The following EYS variants were observed in gnomAD, a reference collection of about 807,000 sequenced individuals.
The protein encoded by EYS is protein eyes shut homolog.
EYS carries 250 observed loss-of-function variants against 282.1 expected under a neutral mutation model. The ratio of observed to expected loss-of-function variants is 0.89; its 90% CI spans 0.80 to 0.98. EYS has a LOEUF of 0.98. EYS is among the 50% of genes least tolerant of loss of function. The pLI is 0.00. For synonymous variants in EYS, 1,355 were observed against 1,282.9 expected, an observed-to-expected ratio of 1.06 and a Z score of -1.20; for missense variants, 4,016 against 3,709.0, an observed-to-expected ratio of 1.08 and a Z score of -2.15.
chr6:63,953,436 T>C (rs1765682531), intron 35 of EYS, among the ~76,000 whole-genome samples: 1 of 152,080 alleles, frequency 6.6e-6, no homozygotes. Context: ...TGTATCCCCC[T>C]CCAAAGCCCA....
chr6:65,354,803 C>T (rs1014340558), intron 8 of EYS, among the ~76,000 whole-genome samples: 1 of 150,258 alleles, frequency 6.7e-6, no homozygotes, highest in African/African-American at 2.5e-5. Flanking sequence ...GCCTGGGCTA[C>T]AGAATAAGAC....
At chr6:65,235,875 G>T (rs1254061696) in intron 12 of EYS, among the ~76,000 whole-genome samples, 3 of 151,352 alleles carry the variant, frequency 2.0e-5, no homozygotes, top group African/African-American at 7.3e-5. Context: ...TCTTTAAAGG[G>T]AAAAAAAATC....
intron 22 of EYS, among the ~76,000 whole-genome samples, chr6:64,661,257 C>G (rs1373827185): frequency 6.6e-6 from 1 of 152,072 alleles, no homozygotes. Flanking sequence ...TAGAGACTTA[C>G]ATGTTAGACC....
rs1766967650 is a variant in EYS at position 64,245,054 on chromosome 6, A to G, written c.6192-14230T>C. Among the ~76,000 whole-genome samples, 5 of 138,154 alleles carry G rather than the reference A, an allele frequency of 3.6e-5. No homozygotes were observed. The Admixed American group carries it at 4.3e-4, about 12-fold the overall frequency. The allele number at this position is 138,154 out of a possible 152,430, so 90.6% of individuals were successfully genotyped here. A position where few individuals can be genotyped will look rare whatever the true frequency, so the allele number is the denominator to read the frequency against. Reference sequence around the variant, plus strand: ...CAAGTGTTCTCATTGTTCAGTTCCTACCTTTGAGTGAGAACATGCAGTGTT... The same window carrying G: ...CAAGTGTTCTCATTGTTCAGTTCCTGCCTTTGAGTGAGAACATGCAGTGTT... On this transcript the variant is annotated intron_variant, in intron 30 of 42. Transcript: ENST00000503581.
At chr6:64,828,499 T>C (rs1010610971) in intron 19 of EYS, among the ~76,000 whole-genome samples, 6 of 151,910 alleles carry the variant, frequency 3.9e-5, no homozygotes, top group Admixed American at 3.3e-4. Flanking sequence ...GATTTTATAG[T>C]AGTGCCAGAG....
At chr6:64,081,682 C>T (rs946475347) in intron 32 of EYS, among the ~76,000 whole-genome samples, 174 bp downstream of exon 32, 4 of 152,142 alleles carry the variant, frequency 2.6e-5, no homozygotes, top group Non-Finnish European at 5.9e-5. Context: ...TTGAATGACT[C>T]ATAAAGAAAC....
intron 35 of EYS, among the ~76,000 whole-genome samples, chr6:63,982,259 G>T (rs1767134797): frequency 6.6e-6 from 1 of 151,766 alleles, no homozygotes; most frequent in South Asian, 2.1e-4. Flanking sequence ...CACCTTAAAA[G>T]AACATACTAA....
intron 21 of EYS, among the ~76,000 whole-genome samples, chr6:64,819,083 C>T (rs1463823686): frequency 6.6e-6 from 1 of 152,078 alleles, no homozygotes; most frequent in Non-Finnish European, 1.5e-5. Context: ...TTTCTTGCCT[C>T]TTTAGCCTTG....
intron 9 of EYS, among the ~76,000 whole-genome samples, chr6:65,350,244 T>C (rs1335580897): frequency 6.6e-6 from 1 of 151,412 alleles, no homozygotes; most frequent in Non-Finnish European, 1.5e-5. Context: ...GGTAGAACAA[T>C]ATACTAAGAA....
chr6:64,844,639 T>C (rs1765667297), intron 19 of EYS, among the ~76,000 whole-genome samples: 1 of 152,140 alleles, frequency 6.6e-6, no homozygotes, highest in African/African-American at 2.4e-5. Context: ...ACCAAGCTTT[T>C]TGAAACCCTC....
intron 12 of EYS, among the ~76,000 whole-genome samples, chr6:65,274,490 A>G (rs916601472): frequency 1.1e-4 from 16 of 152,178 alleles, no homozygotes; most frequent in African/African-American, 4.8e-5. Context: ...GTATACAGCT[A>G]TTGATCTAGC....
intron 22 of EYS, among the ~76,000 whole-genome samples, chr6:64,660,994 A>G (rs1293693913): frequency 1.3e-5 from 2 of 152,192 alleles, no homozygotes; most frequent in Non-Finnish European, 2.9e-5. Context: ...ACTATACTAC[A>G]AGGCTACAGT....
At chr6:65,254,192 T>C (rs1393555110) in intron 12 of EYS, among the ~76,000 whole-genome samples, 1 of 151,840 alleles carries the variant, frequency 6.6e-6, no homozygotes, top group Non-Finnish European at 1.5e-5. Flanking sequence ...CTTTTATAAC[T>C]AATCCCTTCC....
chr6:64,356,783 A>G (rs1771837409), intron 29 of EYS, among the ~76,000 whole-genome samples: 1 of 151,586 alleles, frequency 6.6e-6, no homozygotes, highest in Non-Finnish European at 1.5e-5. Flanking sequence ...TTGAGGATGG[A>G]ATTGTCTCCA....
intron 2 of EYS, among the ~76,000 whole-genome samples, chr6:65,614,866 T>A (rs866559693): frequency 2.2e-4 from 19 of 86,778 alleles, no homozygotes; most frequent in Middle Eastern, 0.013. Context: ...TAGTAATCTT[T>A]AAAGATTATC....
intron 31 of EYS, among the ~76,000 whole-genome samples, chr6:64,205,091 T>C (rs1765576115): frequency 6.6e-6 from 1 of 152,138 alleles, no homozygotes; most frequent in African/African-American, 2.4e-5. Flanking sequence ...TCATAAAGTG[T>C]AGAGAAAAAA....
intron 2 of EYS, among the ~76,000 whole-genome samples, chr6:65,514,910 CA>C (rs1767062128): frequency 6.6e-6 from 1 of 152,092 alleles, no homozygotes; most frequent in South Asian, 2.1e-4. Context: ...ACACCAAAAG[CA>C]ATGGCAACAA....
At chr6:64,767,152 G>T (rs1308241969) in intron 22 of EYS, among the ~76,000 whole-genome samples, 1 of 150,228 alleles carries the variant, frequency 6.7e-6, no homozygotes, top group African/African-American at 2.5e-5. Context: ...ATTTTTAATT[G>T]GATGTACTAA....
At chr6:63,872,004 G>A (rs1271212925) in intron 35 of EYS, among the ~76,000 whole-genome samples, 1 of 152,136 alleles carries the variant, frequency 6.6e-6, no homozygotes, top group Non-Finnish European at 1.5e-5. Flanking sequence ...GTCCCAGTGG[G>A]CAAATTCTTA....
Sources: allele counts gnomAD v4.1 joint callset (sites outside exome capture counted in the v4.1 genomes callset), GRCh38; gene constraint gnomAD v4.1.1; transcripts MANE v1.5; gene names NCBI Gene and HGNC (gene_info 2026-07-23, HGNC 2026-07-21).